Variants in ZFP3 observed in about 807,000 individuals in gnomAD.
ZFP3 encodes ZFP3 zinc finger protein.
In ZFP3, 18 loss-of-function variants were observed where a neutral mutation model predicts 36.7. The ratio of observed to expected loss-of-function variants is 0.49; its 90% confidence interval spans 0.34 to 0.73. ZFP3 has a LOEUF of 0.73. Ranked by LOEUF, ZFP3 falls within the 30% of genes least tolerant of loss-of-function variation. ZFP3 has a pLI of 0.01. For missense variants in ZFP3, 495 were observed against 599.0 expected, an observed-to-expected ratio of 0.83 and a Z score of 1.81; for synonymous variants, 218 against 199.0, an observed-to-expected ratio of 1.10 and a Z score of -0.81.
intron 1 of ZFP3, among the ~76,000 whole-genome samples, chr17:5,081,876 C>T (rs944183137): frequency 1.3e-5 from 2 of 148,604 alleles, no homozygotes; most frequent in Non-Finnish European, 3.0e-5. Flanking sequence ...GTTGGGATTA[C>T]AGGCGTGAGC....
At position 5,092,389 on chromosome 17, in the gene ZFP3, C is replaced by G; in HGVS notation, c.885C>G (p.Gly295=). 1 of 1,614,086 alleles carries G rather than the reference C, an allele frequency of 6.2e-7. No homozygotes were observed. Among genetic ancestry groups the G allele is most frequent in the South Asian group, 1.1e-5 (1 of 91,084 alleles). The change falls in exon 2 of 2, where the codon GGC becomes GGG. Residue 295 remains glycine, a synonymous_variant. Coordinates refer to ENST00000318833, the MANE Select transcript of ZFP3 (RefSeq NM_153018.3). This position sits in a 1 kb window ranked among gnomAD's most constrained non-coding sequence, Gnocchi z 5.0. Reference sequence around the variant, plus strand: ...GCAAAGCCTTCAAGCATAGCTCAGGCCTTATTAGACACCAGAAAATTCATA... The same window carrying G: ...GCAAAGCCTTCAAGCATAGCTCAGGGCTTATTAGACACCAGAAAATTCATA... ...ECGKAFKHSS[G]LIRHQKIHTG...
intron 1 of ZFP3, among the ~76,000 whole-genome samples, chr17:5,085,558 T>C (rs11651362): frequency 0.41 from 61,787 of 151,578 alleles, 13,328 homozygotes; most frequent in Non-Finnish European, 0.49. Flanking sequence ...TTAGTAGAGA[T>C]GGAGTTTCAC....
In ZFP3 at chr17:5,093,512, G is replaced by A. The variant is rs551570722; in HGVS notation, c.*499G>A. The stretch of plus-strand genomic sequence containing the variant: ...CTAAATTACTCTTCAGCAAAATTGT[G>A]GGAACAGGATTCCACCACCTCCTAA... On this transcript the variant is annotated 3_prime_UTR_variant, in exon 2 of 2. Coordinates refer to ENST00000318833, the MANE Select transcript of ZFP3 (RefSeq NM_153018.3). 5 of 167,522 alleles carry A rather than the reference G, an allele frequency of 3.0e-5. No homozygotes were observed. The South Asian group carries it at 1.0e-3, about 35-fold the overall frequency. 10.4% of individuals were successfully genotyped at this position (167,522 alleles called of 1,614,324 possible).
chr17:5,081,418 C>A (rs1357001136), intron 1 of ZFP3, among the ~76,000 whole-genome samples: 1 of 152,114 alleles, frequency 6.6e-6, no homozygotes, highest in African/African-American at 2.4e-5. Flanking sequence ...GGAGGGGGTA[C>A]ACAGACACTT....
At chr17:5,090,649 A>G (rs2072145052) in intron 1 of ZFP3, among the ~76,000 whole-genome samples, 1 of 152,052 alleles carries the variant, frequency 6.6e-6, no homozygotes, top group Non-Finnish European at 1.5e-5. Flanking sequence ...TGTACACCCA[A>G]AAGTTATTTA....
intron 1 of ZFP3, among the ~76,000 whole-genome samples, chr17:5,082,294 C>G (rs1343116601): frequency 6.6e-6 from 1 of 151,822 alleles, no homozygotes; most frequent in Non-Finnish European, 1.5e-5. Context: ...TTGCAGTGAG[C>G]CAAGATCACG....
At chr17:5,091,081 T>C (rs539299165) in intron 1 of ZFP3, among the ~76,000 whole-genome samples, 43 of 152,280 alleles carry the variant, frequency 2.8e-4, no homozygotes, top group Admixed American at 2.2e-3. Context: ...GTTAATATTA[T>C]GGATTTTTTT....
chr17:5,093,037 G>T lies in ZFP3; in HGVS notation c.*24G>T, dbSNP rs1183274268. 1 of 1,532,276 alleles carries T rather than the reference G, an allele frequency of 6.5e-7. No individual in the cohort carries two copies. Among genetic ancestry groups the T allele is most frequent in the African/African-American group, 1.4e-5 (1 of 71,958 alleles). 94.9% of individuals were successfully genotyped at this position (1,532,276 alleles called of 1,614,324 possible). The stretch of plus-strand genomic sequence containing the variant: ...AATCTGCAAAATAGGAAAGCTTTTA[G>T]TGGAAAAGCTAAAGTCCAACTTATT... On this transcript the variant is annotated 3_prime_UTR_variant, in exon 2 of 2. Coordinates refer to ENST00000318833, the MANE Select transcript of ZFP3 (RefSeq NM_153018.3).
At chr17:5,080,607 AACCTC>A (rs2072088219) in intron 1 of ZFP3, among the ~76,000 whole-genome samples, 1 of 152,156 alleles carries the variant, frequency 6.6e-6, no homozygotes, top group African/African-American at 2.4e-5. Context: ...TTCAAAATAA[AACCTC>A]ATCCCAGTTT....
At position 5,092,443 on chromosome 17, in the gene ZFP3, A is replaced by ATG; in HGVS notation, c.942_943dup (p.Gly315ValfsTer233). ...GAGAAAAACCATATCTGTGTAATGAATGTGGGAAGGGCTTCGGGCAGAGTT... is the reference window on the plus strand; with the variant it reads ...GAGAAAAACCATATCTGTGTAATGAATGTGTGGGAAGGGCTTCGGGCAGAGTT... On this transcript the variant is annotated frameshift_variant, in exon 2 of 2. Transcript: ENST00000318833. LOFTEE classifies it high-confidence loss of function. The surrounding 1 kb of genome is among the most constrained non-coding windows in gnomAD (Gnocchi z 5.0). The ATG allele has an allele frequency of 6.2e-7, 1 of 1,614,212 alleles. No homozygotes were observed.
At chr17:5,088,699 C>T (rs1194009048) in intron 1 of ZFP3, among the ~76,000 whole-genome samples, 4 of 151,862 alleles carry the variant, frequency 2.6e-5, no homozygotes, top group Admixed American at 1.3e-4. Context: ...CCACCATCCT[C>T]GGCCTCCCAA....
chr17:5,090,173 A>G (rs2072142676), intron 1 of ZFP3, among the ~76,000 whole-genome samples: 1 of 152,246 alleles, frequency 6.6e-6, no homozygotes, highest in Admixed American at 6.5e-5. Context: ...AATTTATACT[A>G]AAGTTTACTT....
intron 1 of ZFP3, among the ~76,000 whole-genome samples, chr17:5,087,335 C>T (rs1373999251): frequency 2.0e-5 from 3 of 152,152 alleles, no homozygotes; most frequent in Admixed American, 1.3e-4. Context: ...ACCTACTCCT[C>T]CCAAAGTGCT....
chr17:5,092,359 G>A lies in ZFP3; in HGVS notation c.855G>A (p.Glu285=). The A allele has an allele frequency of 5.0e-6, 8 of 1,614,108 alleles. No individual in the cohort carries two copies. The highest frequency in any genetic ancestry group is 6.8e-6 in the Non-Finnish European group (8 of 1,180,024). Residue 285 remains glutamate (E), a synonymous_variant, in exon 2 of 2, where the codon GAG becomes GAA. Coordinates refer to ENST00000318833, the MANE Select transcript of ZFP3 (RefSeq NM_153018.3). The surrounding 1 kb of genome is among the most constrained non-coding windows in gnomAD (Gnocchi z 5.0). ...AAGAAAGATACCATGAATGCAATGA[G>A]TGTGGCAAAGCCTTCAAGCATAGCT... The part of the protein sequence containing the change: ...HTEERYHECN[E]CGKAFKHSSG...
chr17:5,091,410 A>T, intron 1 of ZFP3, 87 bp from the exon 2 acceptor site: 1 of 1,351,292 alleles, frequency 7.4e-7, no homozygotes, highest in Non-Finnish European at 1.0e-6. Flanking sequence ...GTGCTATGAG[A>T]ACTACATCAA....
chr17:5,094,017 T>C lies in ZFP3; in HGVS notation c.*1004T>C, dbSNP rs1323813056. On this transcript the variant is annotated 3_prime_UTR_variant, in exon 2 of 2. Transcript: ENST00000318833. ...TGCTGACAGATATTGTGACAGTAAG[T>C]AGCAGACAGGACTGTGGCTTCACCT... The C allele has an allele frequency of 1.8e-5, 3 of 167,196 alleles. No individual in the cohort carries two copies. Among genetic ancestry groups the C allele is most frequent in the African/African-American group, 7.2e-5 (3 of 41,458 alleles). The allele number at this position is 167,196 out of a possible 1,614,324, so 10.4% of individuals were successfully genotyped here. A position where few individuals can be genotyped will look rare whatever the true frequency, so the allele number is the denominator to read the frequency against.
chr17:5,087,005 G>C (rs1029915630), intron 1 of ZFP3, among the ~76,000 whole-genome samples: 1 of 151,882 alleles, frequency 6.6e-6, no homozygotes, highest in Non-Finnish European at 1.5e-5. Flanking sequence ...TGGGATAACA[G>C]GCGTGAGCCA....
Position 5,089,552 on chromosome 17 carries a change from T to C in ZFP3, c.-8-1945T>C, listed in dbSNP as rs201094927. Among the ~76,000 whole-genome samples the C allele has an allele frequency of 6.6e-5, 10 of 152,322 alleles. No individual in the cohort carries two copies. In the East Asian group the frequency reaches 1.9e-3, roughly 29 times the overall value. On this transcript the variant is annotated intron_variant, in intron 1 of 1. Transcript: ENST00000318833. ...TAATTGCCACACTATATAAATTTAT[T>C]ATTCTGTTATAAGGCAATGGGGAAT...
At chr17:5,083,405 A>C (rs2072104016) in intron 1 of ZFP3, among the ~76,000 whole-genome samples, 1 of 152,046 alleles carries the variant, frequency 6.6e-6, no homozygotes, top group Non-Finnish European at 1.5e-5. Context: ...TAAAAATACA[A>C]AATTAGCCAG....
Sources: gnomAD v4.1 joint callset for allele counts (sites outside exome capture counted in the v4.1 genomes callset) on GRCh38, gnomAD v4.1.1 for gene constraint, Gnocchi (gnomAD v3.1) non-coding constraint, MANE v1.5 for transcripts, NCBI Gene and HGNC (gene_info 2026-07-23, HGNC 2026-07-21) for gene names.